Variants in ARID1B observed in about 807,000 individuals in gnomAD.
ARID1B encodes the protein AT-rich interaction domain 1B.
A neutral mutation model predicts 212.3 loss-of-function variants in ARID1B; 30 were observed. The ratio of observed to expected loss-of-function variants is 0.14; its 90% CI spans 0.11 to 0.19. ARID1B has a LOEUF of 0.19. ARID1B is among the 10% of genes least tolerant of loss of function. The pLI is 1.00. For synonymous variants in ARID1B, 1,402 were observed against 1,301.7 expected (o/e 1.08, Z -1.66); for missense variants, 2,891 against 3,204.0 (o/e 0.90, Z 2.36).
At chr6:156,932,290 C>T (rs1791812090) in intron 3 of ARID1B, among the ~76,000 whole-genome samples, 1 of 152,040 alleles carries the variant, frequency 6.6e-6, no homozygotes, top group Non-Finnish European at 1.5e-5. Context: ...AGGTTAAGGC[C>T]AGAGTCCATC....
chr6:157,065,927 C>T (rs1318391796), intron 4 of ARID1B, among the ~76,000 whole-genome samples: 1 of 152,170 alleles, frequency 6.6e-6, no homozygotes, highest in Non-Finnish European at 1.5e-5. Context: ...AAAATGAACA[C>T]ACTTGTGTAA....
chr6:156,806,925 A>G (rs770090078), intron 1 of ARID1B, among the ~76,000 whole-genome samples: 20 of 152,358 alleles, frequency 1.3e-4, no homozygotes, highest in Middle Eastern at 6.8e-3. Flanking sequence ...CAGAAAAGCT[A>G]TGGATGCTGA....
intron 6 of ARID1B, among the ~76,000 whole-genome samples, chr6:157,115,421 T>C (rs1487493207): frequency 1.4e-5 from 2 of 146,916 alleles, no homozygotes; most frequent in African/African-American, 4.9e-5. Flanking sequence ...GAAGTTTTCT[T>C]TGTTTGTTTG....
At chr6:157,202,224 C>G (rs1429202085) in intron 18 of ARID1B, among the ~76,000 whole-genome samples, 2 of 152,118 alleles carry the variant, frequency 1.3e-5, no homozygotes, top group Non-Finnish European at 2.9e-5. Flanking sequence ...GAATACTAAT[C>G]AGAGGTCTGG....
At chr6:156,779,518 G>A in intron 1 of ARID1B, 47 bp downstream of exon 1, 7 of 1,264,394 alleles carry the variant, frequency 5.5e-6, no homozygotes, top group Non-Finnish European at 6.0e-6. Context: ...CGGCCTCGCC[G>A]CGCCGCGAGC....
rs878880822 is a variant in ARID1B at position 157,208,715 on chromosome 6, CTTT to C, written c.*840_*842del. ...AAACATACCCTCATTTTTTTCTTTT[CTTT>C]TTTTTTTTTTTTTTTAGTACAAAGT... is the stretch of plus-strand genomic sequence containing the variant. On this transcript the variant is annotated 3_prime_UTR_variant, in exon 20 of 20. Transcript: ENST00000636930. The C allele has an allele frequency of 3.3e-3, 487 of 149,442 alleles. No homozygotes were observed. The highest frequency in any genetic ancestry group is 4.3e-3 in the Non-Finnish European group (332 of 76,494). The allele number at this position is 149,442 out of a possible 1,614,324, so 9.3% of individuals were successfully genotyped here.
intron 4 of ARID1B, among the ~76,000 whole-genome samples, chr6:156,946,438 G>T (rs1297750375): frequency 6.6e-6 from 1 of 152,038 alleles, no homozygotes; most frequent in Admixed American, 6.6e-5. Flanking sequence ...CAAGATAGAG[G>T]TGTGTGAATT....
At chr6:156,947,926 A>G (rs1417319726) in intron 4 of ARID1B, among the ~76,000 whole-genome samples, 1 of 152,156 alleles carries the variant, frequency 6.6e-6, no homozygotes, top group African/African-American at 2.4e-5. Flanking sequence ...TTTGAGCTGT[A>G]ATTTCCAGCT....
In ARID1B at chr6:157,190,475, C is replaced by A. The variant is rs1793281557; in HGVS notation, c.4231+265C>A. Among the ~76,000 whole-genome samples, 1 of 152,242 alleles carries A rather than the reference C, an allele frequency of 6.6e-6. No homozygotes were observed. Among genetic ancestry groups the A allele is most frequent in the Admixed American group, 6.5e-5 (1 of 15,288 alleles). On this transcript the variant is annotated intron_variant, in intron 15 of 19. Coordinates refer to ENST00000636930, the MANE Select transcript of ARID1B (RefSeq NM_001374828.1). The surrounding 1 kb of genome is among the most constrained non-coding windows in gnomAD (Gnocchi z 4.6). ...TTTCCGGATACCTGCCACCTCCTTACACGTGCCAAGTTACGTTCCTCATCT... is the reference window on the plus strand; with the variant it reads ...TTTCCGGATACCTGCCACCTCCTTAAACGTGCCAAGTTACGTTCCTCATCT...
chr6:157,095,985 A>G (rs1221712610), intron 5 of ARID1B, among the ~76,000 whole-genome samples: 1 of 152,194 alleles, frequency 6.6e-6, no homozygotes, highest in African/African-American at 2.4e-5. Flanking sequence ...CCCTGTCTCT[A>G]TACCACTGAC....
chr6:156,961,025 A>G (rs1325420126), intron 4 of ARID1B, among the ~76,000 whole-genome samples: 1 of 152,256 alleles, frequency 6.6e-6, no homozygotes, highest in Non-Finnish European at 1.5e-5. Flanking sequence ...TCTAAATTTG[A>G]AGATTTATGT....
chr6:157,049,671 T>G lies in ARID1B; in HGVS notation c.2248-34991T>G, dbSNP rs118188809. Among the ~76,000 whole-genome samples, 1,413 of 152,266 alleles carry G rather than the reference T, an allele frequency of 9.3e-3. 18 individuals carry two copies. Among genetic ancestry groups the G allele is most frequent in the Non-Finnish European group, 0.012 (813 of 68,020 alleles). ...GGGAGGTGAAGAACAGAGCAGCAAATGAATACATATTATTTATAATGAGAA... is the reference window on the plus strand; with the variant it reads ...GGGAGGTGAAGAACAGAGCAGCAAAGGAATACATATTATTTATAATGAGAA... On this transcript the variant is annotated intron_variant, in intron 4 of 19. Transcript: ENST00000636930.
intron 3 of ARID1B, among the ~76,000 whole-genome samples, chr6:156,933,351 C>T (rs563278777): frequency 2.0e-5 from 3 of 152,186 alleles, no homozygotes; most frequent in Non-Finnish European, 4.4e-5. Context: ...CACCTTTGTG[C>T]TTTTTTGTAA....
intron 11 of ARID1B, among the ~76,000 whole-genome samples, chr6:157,176,364 TTG>T (rs1171584312): frequency 1.3e-5 from 2 of 152,196 alleles, no homozygotes; most frequent in Non-Finnish European, 2.9e-5. Flanking sequence ...GCAGCCGACA[TTG>T]TGTTTTTCCC....
chr6:157,159,079 G>A (rs1405105204), intron 8 of ARID1B, among the ~76,000 whole-genome samples: 1 of 152,204 alleles, frequency 6.6e-6, no homozygotes, highest in Non-Finnish European at 1.5e-5. Flanking sequence ...AGGACCCACT[G>A]CTACCCCCCT....
intron 2 of ARID1B, among the ~76,000 whole-genome samples, chr6:156,881,784 C>T (rs1319633241): frequency 6.6e-6 from 1 of 152,176 alleles, no homozygotes; most frequent in Admixed American, 6.5e-5. Flanking sequence ...GCAAGTTTAA[C>T]TTCCTCCCCA....
intron 1 of ARID1B, among the ~76,000 whole-genome samples, chr6:156,782,267 T>C (rs532905317): frequency 9.7e-4 from 147 of 152,186 alleles, no homozygotes; most frequent in African/African-American, 3.4e-3. Flanking sequence ...GCTTTTAATA[T>C]GTTTTTAGTT....
At chr6:157,138,089 T>C (rs889854728) in intron 7 of ARID1B, among the ~76,000 whole-genome samples, 5 of 152,208 alleles carry the variant, frequency 3.3e-5, no homozygotes, top group Admixed American at 2.6e-4. Context: ...GGGCAAGGTC[T>C]AGATGTCAAG....
At chr6:157,161,665 A>G (rs577377239) in intron 8 of ARID1B, among the ~76,000 whole-genome samples, 4 of 152,258 alleles carry the variant, frequency 2.6e-5, no homozygotes, top group African/African-American at 9.6e-5. Flanking sequence ...ATGTTAATGT[A>G]TGCAATTGGA....
Sources: allele counts gnomAD v4.1 joint callset (sites outside exome capture counted in the v4.1 genomes callset), GRCh38; gene constraint gnomAD v4.1.1; non-coding constraint Gnocchi (gnomAD v3.1); transcripts MANE v1.5; gene names NCBI Gene and HGNC (gene_info 2026-07-23, HGNC 2026-07-21).